Variants in CD5L observed in about 807,000 individuals in gnomAD.
CD5L encodes CD5 antigen-like.
Under a neutral mutation model 40.8 loss-of-function variants are expected in CD5L, and 39 were observed. That is an observed-to-expected ratio of 0.96 (90% CI 0.74 to 1.25). The LOEUF is 1.25. CD5L is among the 50% of genes most tolerant of loss of function. CD5L has a pLI of 0.00. For synonymous variants in CD5L, 192 were observed against 169.6 expected (o/e 1.13, Z -1.03); for missense variants, 433 against 435.9 (o/e 0.99, Z 0.06).
intron 2 of CD5L, among the ~76,000 whole-genome samples, chr1:157,838,425 C>T (rs1341332830): frequency 6.6e-6 from 1 of 151,936 alleles, no homozygotes; most frequent in African/African-American, 2.4e-5. Flanking sequence ...ATTGCATACT[C>T]CAAGAAATAC....
downstream of CD5L, among the ~76,000 whole-genome samples, chr1:157,827,605 T>C (rs1655937992): frequency 6.6e-6 from 1 of 152,148 alleles, no homozygotes; most frequent in African/African-American, 2.4e-5. Context: ...ACTCAACAGA[T>C]TAGATGATGC....
At chr1:157,835,121 A>G (rs565752176) in intron 3 of CD5L, among the ~76,000 whole-genome samples, 163 of 152,330 alleles carry the variant, frequency 1.1e-3, no homozygotes, top group Admixed American at 2.9e-3. Context: ...TGAACTAAAT[A>G]TCTCAGATTA....
At chr1:157,834,351 G>C in intron 4 of CD5L, 56 bp downstream of exon 4, 1 of 1,411,072 alleles carries the variant, frequency 7.1e-7, no homozygotes, top group Non-Finnish European at 9.7e-7. Flanking sequence ...GTTTGAATGA[G>C]ATTCCACATA....
At chr1:157,829,950 A>C (rs1656003407), downstream of CD5L, among the ~76,000 whole-genome samples, 1 of 152,184 alleles carries the variant, frequency 6.6e-6, no homozygotes, top group African/African-American at 2.4e-5. Flanking sequence ...TTACTCATAT[A>C]TCTCTGTGGA....
Position 157,834,543 on chromosome 1 carries a change from A to C in CD5L, c.582T>G (p.His194Gln). 3 of 1,614,204 alleles carry C rather than the reference A, an allele frequency of 1.9e-6. No individual in the cohort carries two copies. The highest frequency in any genetic ancestry group is 2.5e-6 in the Non-Finnish European group (3 of 1,180,032). The change falls in exon 4 of 6, where the codon CAT (histidine) becomes CAG (glutamine). Residue 194 changes from histidine (H) to glutamine (Q), a missense_variant. His to Gln is a conservative substitution (Grantham distance 24, BLOSUM62 0). Transcript: ENST00000368174. ...GCCAGATGGGTTTTCGGCCATAGGC[A>C]TGCTTGTTGCAGCGTTTTTGAGTCA... ...AVLTQKRCNKHAYGRKPIWLS... is the reference protein window; with the variant it reads ...AVLTQKRCNKQAYGRKPIWLS...
At chr1:157,830,866 G>A (rs1656027913), downstream of CD5L, 1 of 822,852 alleles carries the variant, frequency 1.2e-6, no homozygotes, top group South Asian at 5.5e-5. Flanking sequence ...ATCTGACACA[G>A]CTGCTTCTCT....
At position 157,831,156 on chromosome 1, in the gene CD5L, C is replaced by T. The variant is rs1006565183; in HGVS notation, c.*808G>A. On this transcript the variant is annotated 3_prime_UTR_variant, in exon 6 of 6. Coordinates refer to ENST00000368174, the MANE Select transcript of CD5L (RefSeq NM_005894.3). Reference sequence around the variant, plus strand: ...TTAGCCCTCCCTGATCTCTTTCTGCCTCTTTCTTGACCTTTTCCCAGTAAC... The same window carrying T: ...TTAGCCCTCCCTGATCTCTTTCTGCTTCTTTCTTGACCTTTTCCCAGTAAC... 9 of 985,148 alleles carry T rather than the reference C, an allele frequency of 9.1e-6. No homozygotes were observed. In the African/African-American group the frequency reaches 1.4e-4, roughly 15 times the overall value. 61.0% of individuals were successfully genotyped at this position (985,148 alleles called of 1,614,324 possible). A position where few individuals can be genotyped will look rare whatever the true frequency, so the allele number is the denominator to read the frequency against.
chr1:157,838,733 A>T (rs946026061), intron 2 of CD5L, among the ~76,000 whole-genome samples: 1 of 152,114 alleles, frequency 6.6e-6, no homozygotes, highest in African/African-American at 2.4e-5. Context: ...GATTCTCCAC[A>T]CCAATAGCAA....
At chr1:157,834,325 G>T in intron 4 of CD5L, 82 bp downstream of exon 4, 1 of 1,170,518 alleles carries the variant, frequency 8.5e-7, no homozygotes, top group Non-Finnish European at 1.2e-6. Context: ...TGCGTTAGTA[G>T]CTCTTTGTAA....
intron 1 of CD5L, among the ~76,000 whole-genome samples, chr1:157,839,938 A>T (rs1433709779): frequency 1.3e-5 from 2 of 152,232 alleles, no homozygotes; most frequent in Admixed American, 6.5e-5. Flanking sequence ...TTTGTGGGCC[A>T]TACAGTGTCT....
At chr1:157,830,315 C>A (rs1237771009), downstream of CD5L, among the ~76,000 whole-genome samples, 1 of 152,120 alleles carries the variant, frequency 6.6e-6, no homozygotes, top group African/African-American at 2.4e-5. Flanking sequence ...TCAGAGGACC[C>A]CGTTATTCCA....
At chr1:157,839,255 G>A in intron 2 of CD5L, 129 bp downstream of exon 2, 2 of 865,780 alleles carry the variant, frequency 2.3e-6, no homozygotes, top group Non-Finnish European at 3.9e-6. Flanking sequence ...GAGTGGGTGA[G>A]GTAGGAAGCC....
At chr1:157,834,830 A>G (rs568963590) in intron 3 of CD5L, 82 bp from the exon 4 acceptor site, 1 of 1,076,094 alleles carries the variant, frequency 9.3e-7, no homozygotes, top group South Asian at 1.5e-5. Flanking sequence ...GACACATCTC[A>G]CAGTTCTTGG....
In CD5L at chr1:157,837,771, A is replaced by ATT. The variant is rs55700960; in HGVS notation, c.55+1611_55+1612dup. Among the ~76,000 whole-genome samples, 275 of 111,622 alleles carry ATT rather than the reference A, an allele frequency of 2.5e-3. 4 individuals are homozygous for ATT. Among genetic ancestry groups the ATT allele is most frequent in the East Asian group, 9.9e-3 (40 of 4,044 alleles). The allele number at this position is 111,622 out of a possible 152,430, so 73.2% of individuals were successfully genotyped here. A position where few individuals can be genotyped will look rare whatever the true frequency, so the allele number is the denominator to read the frequency against. ...TCAGTGAGAAAACTCTAATCTAGCT[A>ATT]TTTTTTTTTTTTTTTTTTTTTTGAG... On this transcript the variant is annotated intron_variant, in intron 2 of 5. Transcript: ENST00000368174.
In CD5L at chr1:157,837,815, G is replaced by A. The variant is rs368218354; in HGVS notation, c.55+1569C>T. Among the ~76,000 whole-genome samples the A allele has an allele frequency of 3.6e-4, 48 of 135,164 alleles. No homozygotes were observed. In the East Asian group the frequency reaches 6.4e-3, roughly 18 times the overall value. 88.7% of individuals were successfully genotyped at this position (135,164 alleles called of 152,430 possible). On this transcript the variant is annotated intron_variant, in intron 2 of 5. Coordinates refer to ENST00000368174, the MANE Select transcript of CD5L (RefSeq NM_005894.3). Reference sequence around the variant, plus strand: ...TTTTGAGACAGAGTCTCACTCTGTCGCCCAGGCTGGAGTGCAGTGGCACGA... The same window carrying A: ...TTTTGAGACAGAGTCTCACTCTGTCACCCAGGCTGGAGTGCAGTGGCACGA...
chr1:157,835,162 T>A (rs958933379), intron 3 of CD5L, among the ~76,000 whole-genome samples: 3 of 152,186 alleles, frequency 2.0e-5, no homozygotes, highest in African/African-American at 7.2e-5. Flanking sequence ...TTCTAAAAAA[T>A]AGGACTGAGT....
intron 4 of CD5L, 119 bp downstream of exon 4, chr1:157,834,288 T>C: frequency 2.6e-6 from 2 of 782,580 alleles, no homozygotes; most frequent in East Asian, 5.4e-5. Context: ...ATCTGCCCAG[T>C]TAAATAAGTT....
rs1656198956 is a variant in CD5L at position 157,835,908 on chromosome 1, A to G, written c.303T>C (p.Asp101=). 1.2e-6 allele frequency: 2 copies of G among 1,614,188 alleles called. No homozygotes were observed. Among genetic ancestry groups the G allele is most frequent in the Non-Finnish European group, 1.7e-6 (2 of 1,180,036 alleles). Residue 101 remains aspartate (D), a synonymous_variant, in exon 3 of 6, where the codon GAT becomes GAC. Coordinates refer to ENST00000368174, the MANE Select transcript of CD5L (RefSeq NM_005894.3). ...IQSVSCTGTE[D]TLAQCEQEEV... ...CTTCTTGCTCACACTGAGCCAATGT[A>G]TCTTCTGTTCCTGTGCAACTGACTG...
chr1:157,841,567 T>C, intron 1 of CD5L, 107 bp downstream of exon 1: 2 of 937,928 alleles, frequency 2.1e-6, no homozygotes, highest in Non-Finnish European at 3.3e-6. Context: ...AAGAAGCTCA[T>C]CCTTGAAAAA....
Sources: allele counts gnomAD v4.1 joint callset (sites outside exome capture counted in the v4.1 genomes callset), GRCh38; gene constraint gnomAD v4.1.1; transcripts MANE v1.5; gene names NCBI Gene and HGNC (gene_info 2026-07-23, HGNC 2026-07-21).